PLXNA2: variants seen among roughly 807,000 people sequenced by gnomAD.
The protein encoded by PLXNA2 is plexin A2, also known as plexin-A2.
In PLXNA2, 91 loss-of-function variants were observed where a neutral mutation model predicts 193.5. The ratio of observed to expected loss-of-function variants is 0.47; its 90% CI spans 0.40 to 0.56. The LOEUF (loss-of-function observed/expected upper bound fraction) is 0.56, where lower values mean the gene tolerates loss of function less well. Among genes scored for constraint, PLXNA2 ranks in the 20% least tolerant of loss-of-function variants. The pLI, the probability that PLXNA2 is intolerant of heterozygous loss-of-function variation, is 0.00. For missense variants in PLXNA2, 1,995 were observed against 2,503.2 expected (o/e 0.80, Z 4.33); for synonymous variants, 997 against 1,027.3 (o/e 0.97, Z 0.56).
chr1:208,221,336 C>T (rs1451354929), intron 1 of PLXNA2, among the ~76,000 whole-genome samples: 1 of 151,238 alleles, frequency 6.6e-6, no homozygotes, highest in Non-Finnish European at 1.5e-5. Flanking sequence ...GTTTTTTGCT[C>T]CAACCTGGAG....
chr1:208,043,196 A>T lies in PLXNA2; in HGVS notation c.3882T>A (p.Ala1294=), dbSNP rs1235791779. Reference sequence around the variant, plus strand: ...ACTCATTGATATCCGTCTGGAGCTCAGCAAAAGCTATGAGAATAAGCAGAC... The same window carrying T: ...ACTCATTGATATCCGTCTGGAGCTCTGCAAAAGCTATGAGAATAAGCAGAC... ...RVALECKEAF[A]ELQTDINELT... is the part of the protein sequence containing the mutation. Residue 1294 remains alanine (A), a synonymous_variant, in exon 21 of 32, where the codon GCT becomes GCA. Transcript: ENST00000367033. 6.2e-7 allele frequency: 1 copy of T among 1,613,718 alleles called. No homozygotes were observed. Among genetic ancestry groups the T allele is most frequent in the Non-Finnish European group, 8.5e-7 (1 of 1,179,830 alleles).
At position 208,084,516 on chromosome 1, in the gene PLXNA2, G is replaced by T; in HGVS notation, c.2162C>A (p.Thr721Asn). 1 of 1,614,252 alleles carries T rather than the reference G, an allele frequency of 6.2e-7. No homozygotes were observed. Among genetic ancestry groups the T allele is most frequent in the Non-Finnish European group, 8.5e-7 (1 of 1,180,048 alleles). Residue 721 changes from threonine (T) to asparagine (N), a missense_variant, in exon 10 of 32, where the codon ACC (threonine) becomes AAC (asparagine). Around this residue, in one of 3 missense-constraint regions of PLXNA2, gnomAD observed 1,291 missense variants for 1,673.6 expected, o/e 0.77. Transcript: ENST00000367033. Reference sequence around the variant, plus strand: ...CTGGGGCAGATTTCGCGCCTTAAGGGTGATTGGCTTTACCTCCCCGACTGG... The same window carrying T: ...CTGGGGCAGATTTCGCGCCTTAAGGTTGATTGGCTTTACCTCCCCGACTGG... Reference protein sequence around the residue: ...LIPVGEVKPITLKARNLPQPQ... With the variant: ...LIPVGEVKPINLKARNLPQPQ...
At chr1:208,104,374 G>GAT (rs1667193907) in intron 4 of PLXNA2, among the ~76,000 whole-genome samples, 1 of 152,204 alleles carries the variant, frequency 6.6e-6, no homozygotes, top group Non-Finnish European at 1.5e-5. Context: ...ACAGAGAAAC[G>GAT]ACAGCGAACA....
chr1:208,045,304 C>G, intron 18 of PLXNA2, 94 bp from the exon 19 acceptor site: 1 of 1,337,706 alleles, frequency 7.5e-7, no homozygotes, highest in Non-Finnish European at 1.0e-6. Flanking sequence ...CGGGGAAGGG[C>G]AGCAGTGCAA....
chr1:208,027,194 G>A lies in PLXNA2; in HGVS notation c.*49C>T. On this transcript the variant is annotated 3_prime_UTR_variant, in exon 32 of 32. Transcript: ENST00000367033. ...TGTCCTTCCATCTGAGACTCCCAGT[G>A]TGACAGCTTGGACAGGTCCCTCTTC... is the stretch of plus-strand genomic sequence containing the variant. 6.7e-7 allele frequency: 1 copy of A among 1,490,350 alleles called. No homozygotes were observed. Among genetic ancestry groups the A allele is most frequent in the South Asian group, 1.1e-5 (1 of 88,542 alleles). 92.3% of individuals were successfully genotyped at this position (1,490,350 alleles called of 1,614,324 possible).
At chr1:208,188,483 A>G (rs1456040597) in intron 3 of PLXNA2, among the ~76,000 whole-genome samples, 1 of 152,086 alleles carries the variant, frequency 6.6e-6, no homozygotes, top group Admixed American at 6.5e-5. Flanking sequence ...CCAAGGCAGG[A>G]GGATCACCTG....
intron 4 of PLXNA2, among the ~76,000 whole-genome samples, chr1:208,111,860 T>C (rs1224677959): frequency 6.6e-6 from 1 of 152,082 alleles, no homozygotes; most frequent in Non-Finnish European, 1.5e-5. Context: ...ATCAACACCA[T>C]TAAGGAAAAA....
In PLXNA2 at chr1:208,028,530, A is replaced by G. The variant is rs1227163980; in HGVS notation, c.5438+300T>C. On this transcript the variant is annotated intron_variant, in intron 30 of 31. Transcript: ENST00000367033. The surrounding 1 kb of genome is among the most constrained non-coding windows in gnomAD (Gnocchi z 4.2). ...TCCTTATCAGTAAAATGGGGATAATAATAATACTGGCTTCACAACTCTGCT... is the reference window on the plus strand; with the variant it reads ...TCCTTATCAGTAAAATGGGGATAATGATAATACTGGCTTCACAACTCTGCT... 6.6e-6 allele frequency among the ~76,000 whole-genome samples: 1 copy of G among 152,190 alleles called. No individual in the cohort carries two copies. The highest frequency in any genetic ancestry group is 1.9e-4 in the East Asian group (1 of 5,190).
chr1:208,040,529 T>C (rs1420144277), intron 22 of PLXNA2, among the ~76,000 whole-genome samples: 1 of 152,206 alleles, frequency 6.6e-6, no homozygotes, highest in Non-Finnish European at 1.5e-5. Context: ...ACACTCAAGG[T>C]TAGACTTCCT....
At chr1:208,036,664 A>C (rs1664678925) in intron 26 of PLXNA2, among the ~76,000 whole-genome samples, 1 of 152,220 alleles carries the variant, frequency 6.6e-6, no homozygotes. Context: ...AAAGGGAAGA[A>C]TACTCCCTGC....
At chr1:208,232,614 G>A (rs1489139697) in intron 1 of PLXNA2, among the ~76,000 whole-genome samples, 4 of 152,286 alleles carry the variant, frequency 2.6e-5, no homozygotes, top group East Asian at 3.9e-4. Flanking sequence ...CTTCCGTCCC[G>A]TTTATGACAA....
Position 208,053,493 on chromosome 1 carries a change from A to C in PLXNA2, c.2856+928T>G, listed in dbSNP as rs143825778. 5.3e-3 allele frequency among the ~76,000 whole-genome samples: 804 copies of C among 152,350 alleles called. 10 individuals carry two copies. The highest frequency in any genetic ancestry group is 0.017 in the African/African-American group (720 of 41,582). ...GTCCAGTCTGAGAGAGGAGAGTATA[A>C]GAAAAAGGTGGAGATGCCAAGATAA... On this transcript the variant is annotated intron_variant, in intron 14 of 31. Transcript: ENST00000367033.
chr1:208,140,653 T>C (rs1668433312), intron 4 of PLXNA2, among the ~76,000 whole-genome samples: 1 of 152,248 alleles, frequency 6.6e-6, no homozygotes, highest in Non-Finnish European at 1.5e-5. Flanking sequence ...CATGGTGTTA[T>C]ATTTTGGGTA....
chr1:208,187,221 G>A (rs1670037132), intron 3 of PLXNA2, among the ~76,000 whole-genome samples: 1 of 152,162 alleles, frequency 6.6e-6, no homozygotes, highest in Non-Finnish European at 1.5e-5. Context: ...AGGATTAAAT[G>A]AAAGGACCTG....
intron 3 of PLXNA2, among the ~76,000 whole-genome samples, chr1:208,178,716 A>G (rs575798650): frequency 6.6e-6 from 1 of 152,336 alleles, no homozygotes; most frequent in South Asian, 2.1e-4. Flanking sequence ...AAGAGTTCCA[A>G]TAACTCACCC....
chr1:208,188,077 G>A (rs1013195000), intron 3 of PLXNA2, among the ~76,000 whole-genome samples: 11 of 152,208 alleles, frequency 7.2e-5, no homozygotes, highest in East Asian at 5.8e-4. Flanking sequence ...CCAGTGACGC[G>A]CACCTGAATA....
intron 21 of PLXNA2, 103 bp from the exon 22 acceptor site, chr1:208,042,469 G>A (rs1242742665): frequency 3.8e-6 from 5 of 1,310,524 alleles, no homozygotes; most frequent in Non-Finnish European, 5.3e-6. Flanking sequence ...CTAGCTGTAG[G>A]ACCCTATGTT....
chr1:208,045,667 T>G (rs1230842841), intron 18 of PLXNA2, among the ~76,000 whole-genome samples: 2 of 152,186 alleles, frequency 1.3e-5, no homozygotes, highest in African/African-American at 4.8e-5. Context: ...ACAGAAATAT[T>G]CTAAAGTATT....
chr1:208,162,259 C>T (rs1669154261), intron 3 of PLXNA2, among the ~76,000 whole-genome samples: 1 of 152,182 alleles, frequency 6.6e-6, no homozygotes, highest in Admixed American at 6.5e-5. Context: ...CAGTGATATG[C>T]CAAGGGAAGA....
Sources: allele counts gnomAD v4.1 joint callset (sites outside exome capture counted in the v4.1 genomes callset), GRCh38; gene constraint gnomAD v4.1.1; regional missense constraint gnomAD v4.1.1; non-coding constraint Gnocchi (gnomAD v3.1); transcripts MANE v1.5; gene names NCBI Gene and HGNC (gene_info 2026-07-23, HGNC 2026-07-21).